GPR132: variants seen among roughly 807,000 people sequenced by gnomAD.
GPR132 encodes G protein-coupled receptor 132, also known as probable G protein-coupled receptor 132.
A neutral mutation model predicts 1.9 loss-of-function variants in GPR132; 4 were observed. The observed-to-expected ratio is 2.13, with a 90% confidence interval of 1.05 to 4.87. GPR132 has a LOEUF of 4.87. GPR132 is among the 30% of genes most tolerant of loss of function. The pLI, the probability that GPR132 is intolerant of heterozygous loss-of-function variation, is 0.01. For synonymous variants in GPR132, 233 were observed against 234.2 expected (o/e 0.99, Z 0.05); for missense variants, 404 against 512.5 (o/e 0.79, Z 2.04).
intron 1 of GPR132, among the ~76,000 whole-genome samples, chr14:105,062,397 G>A (rs1214602491): frequency 1.3e-5 from 2 of 152,136 alleles, no homozygotes; most frequent in Admixed American, 6.5e-5. Context: ...TGTCCAACCC[G>A]CCTTTCTCCC....
At chr14:105,052,495 T>C (rs1289978509) in intron 3 of GPR132, among the ~76,000 whole-genome samples, 1 of 151,876 alleles carries the variant, frequency 6.6e-6, no homozygotes, top group African/African-American at 2.4e-5. Flanking sequence ...GCCTGGCTAA[T>C]TTTTGTATTT....
intron 1 of GPR132, chr14:105,058,161 G>A (rs1474691263): frequency 6.6e-6 from 1 of 152,234 alleles, no homozygotes; most frequent in Non-Finnish European, 1.5e-5. Flanking sequence ...TGGAGTCCAG[G>A]AGTTCAAGAC....
chr14:105,057,321 A>G (rs1886821567), intron 1 of GPR132, 41 bp from the exon 2 acceptor site: 3 of 658,174 alleles, frequency 4.6e-6, no homozygotes, highest in Non-Finnish European at 8.1e-6. Flanking sequence ...GGGAAATCAG[A>G]TTGAGTCACA....
intron 1 of GPR132, among the ~76,000 whole-genome samples, chr14:105,058,808 T>C (rs1886867501): frequency 6.6e-6 from 1 of 152,192 alleles, no homozygotes; most frequent in African/African-American, 2.4e-5. Flanking sequence ...TCTGCTTCCT[T>C]CCCTAACCTG....
At chr14:105,054,350 T>C in intron 3 of GPR132, 2 of 985,232 alleles carry the variant, frequency 2.0e-6, no homozygotes, top group East Asian at 1.1e-4. Flanking sequence ...TGAGGGCCTG[T>C]TGACCTCCAG....
intron 3 of GPR132, among the ~76,000 whole-genome samples, chr14:105,052,705 C>T (rs1237992737): frequency 6.6e-6 from 1 of 151,324 alleles, no homozygotes; most frequent in African/African-American, 2.4e-5. Flanking sequence ...ACCTGTAATC[C>T]CAGCATTTTG....
At position 105,049,515 on chromosome 14, in the gene GPR132, G is replaced by T. The variant is rs953329493; in HGVS notation, c.*1479C>A. 6.6e-6 allele frequency: 1 copy of T among 151,968 alleles called. No homozygotes were observed. The highest frequency in any genetic ancestry group is 2.4e-5 in the African/African-American group (1 of 41,358). The allele number at this position is 151,968 out of a possible 1,614,324, so 9.4% of individuals were successfully genotyped here. Reference sequence around the variant, plus strand: ...TGACCTCAACTGATCCTCCCGTCTCGGCCTCCCAAAGTGCTGGGATGACAG... The same window carrying T: ...TGACCTCAACTGATCCTCCCGTCTCTGCCTCCCAAAGTGCTGGGATGACAG... On this transcript the variant is annotated 3_prime_UTR_variant, in exon 4 of 4. Transcript: ENST00000329797.
chr14:105,057,437 A>C, intron 1 of GPR132, 157 bp from the exon 2 acceptor site: 1 of 457,166 alleles, frequency 2.2e-6, no homozygotes, highest in Non-Finnish European at 3.9e-6. Flanking sequence ...TGCATCCCAC[A>C]TGAGAAACAC....
At chr14:105,064,277 G>A (rs145135424) in intron 1 of GPR132, among the ~76,000 whole-genome samples, 2 of 152,322 alleles carry the variant, frequency 1.3e-5, no homozygotes, top group African/African-American at 2.4e-5. Context: ...ACCCTAGGGA[G>A]GGAAATGTGG....
At position 105,060,950 on chromosome 14, in the gene GPR132, G is replaced by T. The variant is rs547966161; in HGVS notation, c.-860-3670C>A. ...TGGGATCCAGGCCTGTATGTTGAGA[G>T]CAGAGACTAGCCAGGGGCAGAGCCG... On this transcript the variant is annotated intron_variant, in intron 1 of 3. Coordinates refer to ENST00000329797, the MANE Select transcript of GPR132 (RefSeq NM_013345.4). This position sits in a 1 kb window ranked among gnomAD's most constrained non-coding sequence, Gnocchi z 6.3. 6.6e-6 allele frequency among the ~76,000 whole-genome samples: 1 copy of T among 152,228 alleles called. No individual in the cohort carries two copies. Among genetic ancestry groups the T allele is most frequent in the South Asian group, 2.1e-4 (1 of 4,828 alleles).
chr14:105,064,196 G>A (rs951134365), intron 1 of GPR132, among the ~76,000 whole-genome samples: 6 of 152,160 alleles, frequency 3.9e-5, no homozygotes, highest in South Asian at 4.1e-4. Context: ...AGCCATTTCC[G>A]TCTTTTACTC....
At position 105,056,655 on chromosome 14, in the gene GPR132, G is replaced by A. The variant is rs1452391051; in HGVS notation, c.-746-489C>T. ...CCGCACCCCCTGCTCCAGGCCTCAC[G>A]CAGCCTTGGGACCTTCACCTCTGGA... On this transcript the variant is annotated intron_variant, in intron 2 of 3. Coordinates refer to ENST00000329797, the MANE Select transcript of GPR132 (RefSeq NM_013345.4). The surrounding 1 kb of genome is among the most constrained non-coding windows in gnomAD (Gnocchi z 6.0). 2.0e-5 allele frequency among the ~76,000 whole-genome samples: 3 copies of A among 152,130 alleles called. No individual in the cohort carries two copies. The highest frequency in any genetic ancestry group is 2.9e-5 in the Non-Finnish European group (2 of 68,030).
chr14:105,062,777 A>G (rs367863185), intron 1 of GPR132, among the ~76,000 whole-genome samples: 25 of 151,086 alleles, frequency 1.7e-4, no homozygotes, highest in African/African-American at 5.8e-4. Flanking sequence ...CTGGGCTCCA[A>G]TGATCCTCCT....
At position 105,055,268 on chromosome 14, in the gene GPR132, A is replaced by G; in HGVS notation, c.34+119T>C. 1 of 750,872 alleles carries G rather than the reference A, an allele frequency of 1.3e-6. No homozygotes were observed. Among genetic ancestry groups the G allele is most frequent in the Admixed American group, 1.7e-5 (1 of 57,558 alleles). 46.5% of individuals were successfully genotyped at this position (750,872 alleles called of 1,614,324 possible). A position where few individuals can be genotyped will look rare whatever the true frequency, so the allele number is the denominator to read the frequency against. ...CTTGAACCTGGGAGGCAGAAGCTGCAGTGAGCCGAGATTGTGCCACTGCAC... is the reference window on the plus strand; with the variant it reads ...CTTGAACCTGGGAGGCAGAAGCTGCGGTGAGCCGAGATTGTGCCACTGCAC... On this transcript the variant is annotated intron_variant, in intron 3 of 3. Transcript: ENST00000329797. The surrounding 1 kb of genome is among the most constrained non-coding windows in gnomAD (Gnocchi z 4.7).
rs1293806105 is a variant in GPR132 at position 105,055,596 on chromosome 14, C to T, written c.-176G>A. The T allele has an allele frequency of 6.0e-6, 4 of 661,308 alleles. No individual in the cohort carries two copies. The East Asian group carries it at 1.1e-4, about 18-fold the overall frequency. The allele number at this position is 661,308 out of a possible 1,614,324, so 41.0% of individuals were successfully genotyped here. On this transcript the variant is annotated 5_prime_UTR_variant, in exon 3 of 4. Coordinates refer to ENST00000329797, the MANE Select transcript of GPR132 (RefSeq NM_013345.4). This position sits in a 1 kb window ranked among gnomAD's most constrained non-coding sequence, Gnocchi z 4.7. ...GTCACCTCCCCACGTGGGTGGGCAT[C>T]TCTGCGTGTCTTCAGCGTGTGTCCT...
At position 105,061,742 on chromosome 14, in the gene GPR132, TG is replaced by T. The variant is rs144273693; in HGVS notation, c.-861+3636del. Among the ~76,000 whole-genome samples the T allele has an allele frequency of 2.6e-3, 381 of 148,500 alleles. 6 individuals carry two copies. In the East Asian group the frequency reaches 0.027, roughly 10 times the overall value. On this transcript the variant is annotated intron_variant, in intron 1 of 3. Coordinates refer to ENST00000329797, the MANE Select transcript of GPR132 (RefSeq NM_013345.4). ...ACTCAGGAAGCAGGCACCACCCTCC[TG>T]GGGGGGGGGAGTCCCTCCTGGGCTG...
chr14:105,064,797 GC>G (rs764288491), intron 1 of GPR132, among the ~76,000 whole-genome samples: 26 of 152,242 alleles, frequency 1.7e-4, no homozygotes, highest in Middle Eastern at 3.4e-3. Flanking sequence ...AAGGTATTGG[GC>G]CCCCCGCCCC....
At chr14:105,064,612 G>A (rs149386344) in intron 1 of GPR132, among the ~76,000 whole-genome samples, 71 of 152,186 alleles carry the variant, frequency 4.7e-4, no homozygotes, top group African/African-American at 1.6e-3. Context: ...GGGATTACAG[G>A]CATGAACCAC....
chr14:105,054,330 C>T, intron 3 of GPR132: 5 of 985,374 alleles, frequency 5.1e-6, no homozygotes, highest in Non-Finnish European at 6.0e-6. Context: ...CTTGACCTCC[C>T]TCCTGTACTT....
Sources: allele counts gnomAD v4.1 joint callset (sites outside exome capture counted in the v4.1 genomes callset), GRCh38; gene constraint gnomAD v4.1.1; non-coding constraint Gnocchi (gnomAD v3.1); transcripts MANE v1.5; gene names NCBI Gene and HGNC (gene_info 2026-07-23, HGNC 2026-07-21).